The following BIN3 variants were observed in gnomAD, a reference collection of about 807,000 sequenced individuals.
BIN3 encodes bridging integrator 3.
In BIN3, 41 loss-of-function variants were observed where a neutral mutation model predicts 38.2. The observed-to-expected ratio is 1.07, with a 90% confidence interval of 0.84 to 1.39. BIN3 has a LOEUF of 1.39. Among genes scored for constraint, BIN3 ranks in the 40% most tolerant of loss-of-function variants. The probability of loss-of-function intolerance (pLI) is 0.00; values close to 1 mark genes in which losing one functional copy is unlikely to be tolerated. For missense variants in BIN3, 361 were observed against 324.3 expected (o/e 1.11, Z -0.87); for synonymous variants, 145 against 122.6 (o/e 1.18, Z -1.21).
chr8:22,646,957 A>C (rs1199212026), intron 1 of BIN3, among the ~76,000 whole-genome samples: 2 of 152,324 alleles, frequency 1.3e-5, no homozygotes, highest in East Asian at 1.9e-4. Flanking sequence ...TTGCAGACAG[A>C]CAGCCTGTAT....
At chr8:22,628,643 G>A (rs1438638697) in intron 6 of BIN3, among the ~76,000 whole-genome samples, 1 of 152,216 alleles carries the variant, frequency 6.6e-6, no homozygotes, top group East Asian at 1.9e-4. Flanking sequence ...GCGCCTTGCT[G>A]ATACTGAAAC....
intron 1 of BIN3, among the ~76,000 whole-genome samples, chr8:22,663,440 TAAAAA>T (rs35060338): frequency 0.015 from 1,937 of 128,666 alleles, 26 homozygotes; most frequent in Middle Eastern, 0.047. Context: ...CCGATTTGTT[TAAAAA>T]AAAAAAAAAA....
chr8:22,637,091 G>A, intron 2 of BIN3, 129 bp from the exon 3 acceptor site: 1 of 780,558 alleles, frequency 1.3e-6, no homozygotes, highest in South Asian at 1.5e-5. Flanking sequence ...GTTCACACAA[G>A]CACCGACAGA....
intron 2 of BIN3, among the ~76,000 whole-genome samples, chr8:22,644,435 G>A (rs1377954202): frequency 1.3e-5 from 2 of 152,244 alleles, no homozygotes; most frequent in African/African-American, 2.4e-5. Context: ...ACACTCTTAG[G>A]AAAAGTATAG....
chr8:22,644,477 C>G (rs768714742), intron 2 of BIN3: 8 of 425,040 alleles, frequency 1.9e-5, no homozygotes, highest in South Asian at 1.7e-4. Flanking sequence ...GTGGACCGTT[C>G]TAAAGCAATA....
chr8:22,627,812 C>T (rs942251544), intron 6 of BIN3, among the ~76,000 whole-genome samples: 1 of 152,254 alleles, frequency 6.6e-6, no homozygotes, highest in Non-Finnish European at 1.5e-5. Flanking sequence ...GCCCACCGAG[C>T]ATGCCCCGCT....
chr8:22,650,684 T>A (rs1396753345), intron 1 of BIN3, among the ~76,000 whole-genome samples: 2 of 152,230 alleles, frequency 1.3e-5, no homozygotes, highest in Non-Finnish European at 2.9e-5. Flanking sequence ...TCAACTGAGT[T>A]TCTAGTATTT....
At chr8:22,649,855 ACACCC>A (rs1802831607) in intron 1 of BIN3, among the ~76,000 whole-genome samples, 1 of 135,882 alleles carries the variant, frequency 7.4e-6, no homozygotes, top group African/African-American at 3.1e-5. Context: ...ACACACACAC[ACACCC>A]CCAAAGGAAA....
intron 1 of BIN3, among the ~76,000 whole-genome samples, chr8:22,658,688 C>A (rs898821600): frequency 2.0e-5 from 3 of 152,196 alleles, no homozygotes; most frequent in African/African-American, 4.8e-5. Context: ...AAGCCTAGGC[C>A]TGGCTTGGGG....
At chr8:22,662,952 CAT>C (rs1563171494) in intron 1 of BIN3, among the ~76,000 whole-genome samples, 1 of 152,166 alleles carries the variant, frequency 6.6e-6, no homozygotes, top group Admixed American at 6.5e-5. Flanking sequence ...GCCTGGCTAA[CAT>C]AGCGAAACTC....
intron 6 of BIN3, among the ~76,000 whole-genome samples, chr8:22,628,259 G>C (rs1802067714): frequency 6.6e-6 from 1 of 152,368 alleles, no homozygotes; most frequent in East Asian, 1.9e-4. Context: ...AGCCCCTGCA[G>C]GGAGGCTGGG....
At chr8:22,636,695 C>A (rs1802378686) in intron 3 of BIN3, 109 bp from the exon 4 acceptor site, 2 of 1,246,084 alleles carry the variant, frequency 1.6e-6, no homozygotes, top group African/African-American at 1.5e-5. Context: ...GGATCTTCTC[C>A]ACGGGGACTT....
chr8:22,660,505 T>C (rs962029805), intron 1 of BIN3, among the ~76,000 whole-genome samples: 1 of 152,180 alleles, frequency 6.6e-6, no homozygotes, highest in African/African-American at 2.4e-5. Flanking sequence ...ACCTTTTTCC[T>C]CTTCTCTGCT....
intron 1 of BIN3, among the ~76,000 whole-genome samples, chr8:22,645,338 C>T (rs1311991249): frequency 6.6e-6 from 1 of 151,926 alleles, no homozygotes; most frequent in African/African-American, 2.4e-5. Flanking sequence ...AAAAATTAGC[C>T]GGGCGTGGTG....
At chr8:22,639,534 C>T (rs1802472707) in intron 2 of BIN3, among the ~76,000 whole-genome samples, 1 of 152,160 alleles carries the variant, frequency 6.6e-6, no homozygotes. Context: ...ACCCAGCCAA[C>T]TTTAGGTGGC....
chr8:22,648,229 G>C (rs1802774183), intron 1 of BIN3, among the ~76,000 whole-genome samples: 1 of 151,688 alleles, frequency 6.6e-6, no homozygotes, highest in Non-Finnish European at 1.5e-5. Context: ...ATTAACATCT[G>C]ATATTGGTGT....
chr8:22,637,440 C>A (rs1437570578), intron 2 of BIN3, among the ~76,000 whole-genome samples: 1 of 152,230 alleles, frequency 6.6e-6, no homozygotes, highest in Non-Finnish European at 1.5e-5. Flanking sequence ...CCACCTGCCC[C>A]TGCTGGGCTC....
intron 2 of BIN3, among the ~76,000 whole-genome samples, chr8:22,637,433 C>T (rs1044576536): frequency 5.3e-5 from 8 of 152,234 alleles, no homozygotes; most frequent in African/African-American, 1.9e-4. Context: ...CTCAGGGCCA[C>T]CTGCCCCTGC....
rs1422198733 is a variant in BIN3, at chr8:22,624,356, T to C, written c.346A>G (p.Ser116Gly). Reference protein sequence around the residue: ...TVIEPLKKFGSVFPSLNMAVK... With the variant: ...TVIEPLKKFGGVFPSLNMAVK... ...GCCATGTTGAGGCTCGGGAAGACAC[T>C]GCCGAACCTGTGGGACAAGCTGGCT... The change falls in exon 7 of 9, where the codon AGT (serine) becomes GGT (glycine). Residue 116 changes from serine (S) to glycine (G), a missense_variant. Coordinates refer to ENST00000276416, the MANE Select transcript of BIN3 (RefSeq NM_018688.6). 1 of 1,612,160 alleles carries C rather than the reference T, an allele frequency of 6.2e-7. No individual in the cohort carries two copies. The highest frequency in any genetic ancestry group is 8.5e-7 in the Non-Finnish European group (1 of 1,178,986).
Sources: gnomAD v4.1 joint callset for allele counts (sites outside exome capture counted in the v4.1 genomes callset) on GRCh38, gnomAD v4.1.1 for gene constraint, MANE v1.5 for transcripts, NCBI Gene and HGNC (gene_info 2026-07-23, HGNC 2026-07-21) for gene names.